The following NRXN1 variants were observed in gnomAD, a reference collection of about 807,000 sequenced individuals.
The protein encoded by NRXN1 is neurexin-1.
A neutral mutation model predicts 150.9 loss-of-function variants in NRXN1; 39 were observed. That is an observed-to-expected ratio of 0.26 (90% CI 0.20 to 0.34). NRXN1 has a LOEUF of 0.34. NRXN1 is among the 10% of genes least tolerant of loss of function. The probability of loss-of-function intolerance (pLI) is 1.00; values close to 1 mark genes in which losing one functional copy is unlikely to be tolerated. For synonymous variants in NRXN1, 924 were observed against 757.0 expected (o/e 1.22, Z -3.62); for missense variants, 1,815 against 1,949.9 (o/e 0.93, Z 1.30).
intron 17 of NRXN1, among the ~76,000 whole-genome samples, chr2:50,362,159 AG>A (rs1281112418): frequency 6.6e-6 from 1 of 152,176 alleles, no homozygotes; most frequent in African/African-American, 2.4e-5. Context: ...AAGGGGCAAA[AG>A]CTGGAAGCAT....
intron 2 of NRXN1, among the ~76,000 whole-genome samples, chr2:50,989,015 T>C (rs575665097): frequency 2.5e-4 from 38 of 152,088 alleles, no homozygotes; most frequent in Non-Finnish European, 4.9e-4. Context: ...TCCCCTATTT[T>C]TCTTTTTTAA....
intron 12 of NRXN1, among the ~76,000 whole-genome samples, chr2:50,525,277 C>CT (rs1300549762): frequency 6.6e-6 from 1 of 152,152 alleles, no homozygotes; most frequent in East Asian, 1.9e-4. Context: ...GTACAGATTT[C>CT]TTTGATGAGT....
At chr2:50,990,198 G>A (rs540754723) in intron 2 of NRXN1, among the ~76,000 whole-genome samples, 1 of 151,924 alleles carries the variant, frequency 6.6e-6, no homozygotes, top group African/African-American at 2.4e-5. Flanking sequence ...GTGTATTTAG[G>A]ATAGGCATGT....
chr2:50,634,500 G>A lies in NRXN1; in HGVS notation c.833-10885C>T, dbSNP rs553266808. On this transcript the variant is annotated intron_variant, in intron 5 of 22. Coordinates refer to ENST00000401669, the MANE Select transcript of NRXN1 (RefSeq NM_001330078.2). ...AGCTTTTTAAAGACTGTCAATCCATGGGATATATTTGTGGAATATAAACAG... is the reference window on the plus strand; with the variant it reads ...AGCTTTTTAAAGACTGTCAATCCATAGGATATATTTGTGGAATATAAACAG... 5.9e-5 allele frequency among the ~76,000 whole-genome samples: 9 copies of A among 152,198 alleles called. No homozygotes were observed. In the East Asian group the frequency reaches 1.5e-3, roughly 26 times the overall value.
chr2:49,935,661 G>T (rs181944394), intron 22 of NRXN1, among the ~76,000 whole-genome samples: 7 of 152,274 alleles, frequency 4.6e-5, no homozygotes, highest in Admixed American at 3.9e-4. Flanking sequence ...TCCTCATGGA[G>T]GCAGCATGTC....
chr2:50,402,475 A>G (rs1459056699), intron 17 of NRXN1, among the ~76,000 whole-genome samples: 2 of 152,112 alleles, frequency 1.3e-5, no homozygotes, highest in South Asian at 2.1e-4. Context: ...AATAAATAGA[A>G]TGTGGGGGCG....
In NRXN1 at chr2:49,961,807, G is replaced by A. The variant is rs17039569; in HGVS notation, c.4129-18016C>T. ...GTAGCACCAAAAATATTTCCAAAGT[G>A]GATATGAAACAGGTTAGTGGATCAA... On this transcript the variant is annotated intron_variant, in intron 21 of 22. Coordinates refer to ENST00000401669, the MANE Select transcript of NRXN1 (RefSeq NM_001330078.2). 6.6e-3 allele frequency among the ~76,000 whole-genome samples: 1,000 copies of A among 152,238 alleles called. 9 individuals are homozygous for A. Among genetic ancestry groups the A allele is most frequent in the African/African-American group, 0.022 (926 of 41,546 alleles).
At chr2:50,249,269 CA>C (rs909521737) in intron 17 of NRXN1, among the ~76,000 whole-genome samples, 1 of 151,332 alleles carries the variant, frequency 6.6e-6, no homozygotes, top group Non-Finnish European at 1.5e-5. Flanking sequence ...TAAAACAAGA[CA>C]AAAAAATCCT....
intron 8 of NRXN1, chr2:50,589,411 G>C (rs934304776): frequency 6.6e-6 from 1 of 152,266 alleles, no homozygotes; most frequent in Non-Finnish European, 1.5e-5. Context: ...TGTCCAGCCC[G>C]TTCCAGGTGG....
chr2:50,562,226 A>C (rs1438479649), intron 8 of NRXN1, among the ~76,000 whole-genome samples: 1 of 152,024 alleles, frequency 6.6e-6, no homozygotes, highest in African/African-American at 2.4e-5. Context: ...TTAATTTTAC[A>C]TTTTTCTAAG....
chr2:50,136,319 C>T (rs1048416341), intron 18 of NRXN1, among the ~76,000 whole-genome samples: 7 of 152,026 alleles, frequency 4.6e-5, no homozygotes, highest in African/African-American at 1.7e-4. Context: ...GTATCCAAAC[C>T]AAGGAACAAG....
chr2:50,502,345 G>C (rs1036170339), intron 13 of NRXN1, among the ~76,000 whole-genome samples: 3 of 152,084 alleles, frequency 2.0e-5, no homozygotes, highest in African/African-American at 7.2e-5. Flanking sequence ...CAGTCGTAAA[G>C]TAATCCTGAC....
intron 5 of NRXN1, among the ~76,000 whole-genome samples, chr2:50,893,436 G>T (rs1205383282): frequency 6.6e-6 from 1 of 152,016 alleles, no homozygotes; most frequent in Non-Finnish European, 1.5e-5. Context: ...AATATATAAG[G>T]CAGCCTCAAT....
At chr2:50,930,100 T>A (rs1010691971) in intron 2 of NRXN1, among the ~76,000 whole-genome samples, 1 of 152,094 alleles carries the variant, frequency 6.6e-6, no homozygotes, top group Non-Finnish European at 1.5e-5. Context: ...TCACCTCCTT[T>A]TTCAATCCCA....
intron 15 of NRXN1, among the ~76,000 whole-genome samples, chr2:50,494,049 T>C (rs2091419941): frequency 1.3e-5 from 2 of 152,216 alleles, no homozygotes; most frequent in South Asian, 4.1e-4. Context: ...GAAAGAATCC[T>C]AGTCTACAAT....
intron 17 of NRXN1, among the ~76,000 whole-genome samples, chr2:50,298,123 G>T (rs906674089): frequency 1.3e-5 from 2 of 152,038 alleles, no homozygotes; most frequent in Non-Finnish European, 2.9e-5. Flanking sequence ...CAAATTCAAT[G>T]ATGAAATTGC....
intron 17 of NRXN1, among the ~76,000 whole-genome samples, chr2:50,441,555 A>G (rs1236829954): frequency 1.3e-5 from 2 of 152,184 alleles, no homozygotes; most frequent in Non-Finnish European, 2.9e-5. Flanking sequence ...AGAAAACAGT[A>G]TGTGTTTCCC....
chr2:50,442,073 C>G (rs149226090), intron 17 of NRXN1, among the ~76,000 whole-genome samples: 1 of 152,146 alleles, frequency 6.6e-6, no homozygotes, highest in Non-Finnish European at 1.5e-5. Flanking sequence ...ATACTGCATA[C>G]TTTCTATAGT....
chr2:50,829,990 T>G (rs1671160061), intron 5 of NRXN1, among the ~76,000 whole-genome samples: 1 of 64,158 alleles, frequency 1.6e-5, no homozygotes, highest in Non-Finnish European at 2.6e-5. Flanking sequence ...CAAAGAATAC[T>G]GCCTGCTGGA....
Sources: allele counts gnomAD v4.1 joint callset (sites outside exome capture counted in the v4.1 genomes callset), GRCh38; gene constraint gnomAD v4.1.1; transcripts MANE v1.5; gene names NCBI Gene and HGNC (gene_info 2026-07-23, HGNC 2026-07-21).